FBXO3: variants seen among roughly 807,000 people sequenced by gnomAD.
FBXO3 encodes the protein F-box protein 3.
In FBXO3, 17 loss-of-function variants were observed where a neutral mutation model predicts 64.8. That is an observed-to-expected ratio of 0.26 (90% CI 0.18 to 0.39). The LOEUF (loss-of-function observed/expected upper bound fraction) is 0.39. Ranked by LOEUF, FBXO3 falls within the 10% of genes least tolerant of loss-of-function variation. The pLI is 1.00. For missense variants in FBXO3, 420 were observed against 589.9 expected (o/e 0.71, Z 2.98); for synonymous variants, 182 against 201.6 (o/e 0.90, Z 0.82).
chr11:33,751,931 T>C (rs142441562), intron 6 of FBXO3, among the ~76,000 whole-genome samples: 2 of 152,370 alleles, frequency 1.3e-5, no homozygotes, highest in East Asian at 3.9e-4. Context: ...GCCTTCTGTC[T>C]GTAATTTATT....
In FBXO3 at chr11:33,774,501, G is replaced by A. The variant is rs1378566287; in HGVS notation, c.-4C>T. The A allele has an allele frequency of 3.9e-6, 6 of 1,540,708 alleles. No homozygotes were observed. Among genetic ancestry groups the A allele is most frequent in the Non-Finnish European group, 5.2e-6 (6 of 1,145,242 alleles). The stretch of plus-strand genomic sequence containing the variant: ...TCTCGGTCTCCATGGCCGCCATCTT[G>A]CCTGGCCCGGTGCAGGTCTGGCCCC... On this transcript the variant is annotated 5_prime_UTR_variant, in exon 1 of 11. Transcript: ENST00000265651.
At chr11:33,774,336 T>G in intron 1 of FBXO3, 58 bp downstream of exon 1, 3 of 927,786 alleles carry the variant, frequency 3.2e-6, no homozygotes. Context: ...CCTTTCCCCC[T>G]GCCTCACCGC....
At chr11:33,774,331 C>T in intron 1 of FBXO3, 63 bp downstream of exon 1, 10 of 1,257,858 alleles carry the variant, frequency 8.0e-6, no homozygotes, top group Middle Eastern at 2.4e-4. Flanking sequence ...GACCCCCTTT[C>T]CCCCTGCCTC....
chr11:33,749,927 A>G lies in FBXO3; in HGVS notation c.932+612T>C, dbSNP rs1854912357. Among the ~76,000 whole-genome samples, 6 of 152,250 alleles carry G rather than the reference A, an allele frequency of 3.9e-5. No homozygotes were observed. In the South Asian group the frequency reaches 1.2e-3, roughly 32 times the overall value. ...AGTTATATTTTACTCAAATACTTCCAGTATGCATATATGCATGTATGTGTA... is the reference window on the plus strand; with the variant it reads ...AGTTATATTTTACTCAAATACTTCCGGTATGCATATATGCATGTATGTGTA... On this transcript the variant is annotated intron_variant, in intron 8 of 10. Coordinates refer to ENST00000265651, the MANE Select transcript of FBXO3 (RefSeq NM_012175.4).
intron 5 of FBXO3, among the ~76,000 whole-genome samples, chr11:33,755,235 T>C (rs1855066381): frequency 6.6e-6 from 1 of 152,184 alleles, no homozygotes; most frequent in East Asian, 1.9e-4. Flanking sequence ...TAGGCAAAAA[T>C]GAAGGCAGAG....
intron 3 of FBXO3, among the ~76,000 whole-genome samples, chr11:33,765,744 G>A (rs147503760): frequency 6.6e-6 from 1 of 152,244 alleles, no homozygotes; most frequent in Non-Finnish European, 1.5e-5. Flanking sequence ...TTCCCTTGGT[G>A]CTGTCCTCAA....
intron 3 of FBXO3, among the ~76,000 whole-genome samples, chr11:33,762,395 C>T (rs987143366): frequency 3.3e-5 from 5 of 152,042 alleles, no homozygotes; most frequent in African/African-American, 9.7e-5. Flanking sequence ...CATACCGGAC[C>T]ACAGAATAAG....
intron 3 of FBXO3, among the ~76,000 whole-genome samples, chr11:33,765,328 T>C (rs1157390292): frequency 6.6e-6 from 1 of 152,098 alleles, no homozygotes; most frequent in African/African-American, 2.4e-5. Context: ...GAAATTTTAG[T>C]ATAAAAGAAA....
rs145841239 is a variant in FBXO3, at chr11:33,756,337, T to G, written c.474-362A>C. ...ATGTTTAAAGAAGTAAATTCTCTGATGCTGTTATCTTGATACAACCTTTAG... is the reference window on the plus strand; with the variant it reads ...ATGTTTAAAGAAGTAAATTCTCTGAGGCTGTTATCTTGATACAACCTTTAG... On this transcript the variant is annotated intron_variant, in intron 4 of 10. Transcript: ENST00000265651. 2.0e-3 allele frequency among the ~76,000 whole-genome samples: 302 copies of G among 152,376 alleles called. 1 individual carries two copies. The highest frequency in any genetic ancestry group is 7.0e-3 in the African/African-American group (290 of 41,592).
At chr11:33,770,596 A>T (rs958408048) in intron 2 of FBXO3, 145 bp downstream of exon 2, 24 of 618,066 alleles carry the variant, frequency 3.9e-5, no homozygotes, top group Non-Finnish European at 6.3e-5. Flanking sequence ...GAACCTTGGC[A>T]AATACCAACA....
intron 10 of FBXO3, 163 bp downstream of exon 10, chr11:33,746,967 T>C (rs1854827840): frequency 1.4e-6 from 2 of 1,469,464 alleles, no homozygotes; most frequent in Admixed American, 5.9e-5. Context: ...CCTCATTTAC[T>C]TGTCCATTTC....
intron 4 of FBXO3, among the ~76,000 whole-genome samples, chr11:33,756,566 C>T (rs751829971): frequency 6.6e-6 from 1 of 152,190 alleles, no homozygotes; most frequent in Non-Finnish European, 1.5e-5. Context: ...CAATTTATGA[C>T]CTATTGGTCA....
intron 6 of FBXO3, among the ~76,000 whole-genome samples, chr11:33,752,476 A>T (rs549721469): frequency 2.6e-5 from 4 of 152,278 alleles, no homozygotes; most frequent in Non-Finnish European, 5.9e-5. Context: ...TGAATGTCAG[A>T]TGCTAAATTT....
intron 5 of FBXO3, among the ~76,000 whole-genome samples, chr11:33,755,421 C>T (rs912516944): frequency 6.6e-6 from 1 of 152,168 alleles, no homozygotes; most frequent in Admixed American, 6.5e-5. Context: ...TTCTATTGCA[C>T]TCAAAGCATG....
rs144350497 is a variant in FBXO3, at chr11:33,747,247, T to C, written c.1122A>G (p.Gly374=). 6.2e-6 allele frequency: 10 copies of C among 1,613,500 alleles called. No homozygotes were observed. In the African/African-American group the frequency reaches 1.2e-4, roughly 19 times the overall value. ...GGAAGGTATAATATCCTTCCATGTA[T>C]CCTGATGTTGTAGAGAATGTGGTAC... ...TSCTTFSTTS[G]YMEGYYTFHF... The change falls in exon 10 of 11, where the codon GGA becomes GGG. Residue 374 remains glycine, a synonymous_variant. Transcript: ENST00000265651.
chr11:33,769,088 T>C, intron 2 of FBXO3, 74 bp from the exon 3 acceptor site: 1 of 1,227,170 alleles, frequency 8.1e-7, no homozygotes, highest in Non-Finnish European at 1.1e-6. Flanking sequence ...ACCTACAACA[T>C]ATAGAAACTT....
At chr11:33,770,676 C>T in intron 2 of FBXO3, 65 bp downstream of exon 2, 5 of 1,220,290 alleles carry the variant, frequency 4.1e-6, no homozygotes, top group Non-Finnish European at 6.0e-6. Context: ...AGAATCAGGA[C>T]AAACTAGTGT....
chr11:33,754,107 T>C (rs1268218245), intron 6 of FBXO3: 2 of 179,374 alleles, frequency 1.1e-5, no homozygotes, highest in Non-Finnish European at 2.3e-5. Context: ...AGTTGCTTTA[T>C]ATATCTGTAT....
rs1428218989 is a variant in FBXO3 at position 33,741,065 on chromosome 11, A to T, written c.*843T>A. The T allele has an allele frequency of 6.5e-6, 1 of 152,680 alleles. No homozygotes were observed. Among genetic ancestry groups the T allele is most frequent in the Non-Finnish European group, 1.5e-5 (1 of 68,044 alleles). The allele number at this position is 152,680 out of a possible 1,614,324, so 9.5% of individuals were successfully genotyped here. On this transcript the variant is annotated 3_prime_UTR_variant, in exon 11 of 11. Coordinates refer to ENST00000265651, the MANE Select transcript of FBXO3 (RefSeq NM_012175.4). ...TCAGGAAAACATACTTAATCCTAAC[A>T]TAAAATTCATGTCACTTATCACAAA...
Sources: allele counts gnomAD v4.1 joint callset (sites outside exome capture counted in the v4.1 genomes callset), GRCh38; gene constraint gnomAD v4.1.1; transcripts MANE v1.5; gene names NCBI Gene and HGNC (gene_info 2026-07-23, HGNC 2026-07-21).